ADAMTS12: variants seen among roughly 807,000 people sequenced by gnomAD.
ADAMTS12 encodes the protein ADAM metallopeptidase with thrombospondin type 1 motif 12, also known as A disintegrin and metalloproteinase with thrombospondin motifs 12.
Under a neutral mutation model 167.8 loss-of-function variants are expected in ADAMTS12, and 118 were observed. That is an observed-to-expected ratio of 0.70 (90% confidence interval 0.61 to 0.82). The LOEUF is 0.82. Ranked by LOEUF, ADAMTS12 falls within the 40% of genes least tolerant of loss-of-function variation. The probability of loss-of-function intolerance (pLI) is 0.00; values close to 1 mark genes in which losing one functional copy is unlikely to be tolerated. For missense variants in ADAMTS12, 1,916 were observed against 1,998.8 expected (o/e 0.96, Z 0.79); for synonymous variants, 704 against 716.9 (o/e 0.98, Z 0.29).
chr5:33,744,350 T>A (rs1450898234), intron 3 of ADAMTS12, among the ~76,000 whole-genome samples: 1 of 152,150 alleles, frequency 6.6e-6, no homozygotes, highest in Non-Finnish European at 1.5e-5. Context: ...GTAGCAGTGA[T>A]GAAAAGCAAA....
chr5:33,750,396 G>A (rs891362604), intron 3 of ADAMTS12, among the ~76,000 whole-genome samples: 20 of 152,178 alleles, frequency 1.3e-4, no homozygotes, highest in Non-Finnish European at 2.8e-4. Context: ...CATAGGGACT[G>A]GGTGAAGTCT....
chr5:33,742,365 A>C (rs1324492957), intron 3 of ADAMTS12, among the ~76,000 whole-genome samples: 1 of 149,898 alleles, frequency 6.7e-6, no homozygotes, highest in Non-Finnish European at 1.5e-5. Context: ...GTGATGTGTG[A>C]GACTTCCAGC....
At chr5:33,843,106 G>A (rs1748803921) in intron 2 of ADAMTS12, among the ~76,000 whole-genome samples, 2 of 152,160 alleles carry the variant, frequency 1.3e-5, no homozygotes, top group South Asian at 4.1e-4. Flanking sequence ...CAGTTCTAAA[G>A]CCCTTAAGTA....
intron 2 of ADAMTS12, among the ~76,000 whole-genome samples, chr5:33,876,712 C>T (rs933284726): frequency 2.0e-5 from 3 of 151,962 alleles, no homozygotes; most frequent in Non-Finnish European, 4.4e-5. Context: ...GTGGTGGTAC[C>T]ATGAGAGAAA....
At chr5:33,833,791 C>T (rs1748400869) in intron 2 of ADAMTS12, among the ~76,000 whole-genome samples, 1 of 152,110 alleles carries the variant, frequency 6.6e-6, no homozygotes, top group African/African-American at 2.4e-5. Context: ...AAATTCATGA[C>T]TCGGGAAATG....
chr5:33,827,857 A>G (rs1748150011), intron 2 of ADAMTS12, among the ~76,000 whole-genome samples: 1 of 152,076 alleles, frequency 6.6e-6, no homozygotes, highest in Non-Finnish European at 1.5e-5. Context: ...ACTCAAATAT[A>G]CCTTGTTACC....
rs1739881098 is a variant in ADAMTS12, at chr5:33,630,732, A to G, written c.2022+48T>C. Reference sequence around the variant, plus strand: ...GAACATCTGACTTCCCAAATTAGTAAAAGTCATGATTTTATAAAGTTGTAG... The same window carrying G: ...GAACATCTGACTTCCCAAATTAGTAGAAGTCATGATTTTATAAAGTTGTAG... On this transcript the variant is annotated intron_variant, in intron 13 of 23. Coordinates refer to ENST00000504830, the MANE Select transcript of ADAMTS12 (RefSeq NM_030955.4). 1.9e-6 allele frequency: 3 copies of G among 1,567,928 alleles called. No homozygotes were observed. In the South Asian group the frequency reaches 3.5e-5, roughly 18 times the overall value.
At chr5:33,884,664 C>G (rs1377842930) in intron 1 of ADAMTS12, among the ~76,000 whole-genome samples, 1 of 152,154 alleles carries the variant, frequency 6.6e-6, no homozygotes, top group African/African-American at 2.4e-5. Context: ...CACGTGCATA[C>G]TAGGAGAGTG....
chr5:33,525,574 G>A lies in ADAMTS12; in HGVS notation c.*1614C>T, dbSNP rs1207528481. ...TTCACATACACTTACCCATTTGTATGCCTATCTATGTTTACATTAATTCTG... is the reference window on the plus strand; with the variant it reads ...TTCACATACACTTACCCATTTGTATACCTATCTATGTTTACATTAATTCTG... On this transcript the variant is annotated 3_prime_UTR_variant, in exon 24 of 24. Transcript: ENST00000504830. 6.6e-6 allele frequency: 1 copy of A among 152,166 alleles called. No homozygotes were observed. The highest frequency in any genetic ancestry group is 1.5e-5 in the Non-Finnish European group (1 of 68,020). The allele number at this position is 152,166 out of a possible 1,614,324, so 9.4% of individuals were successfully genotyped here.
At chr5:33,864,532 T>C (rs947595470) in intron 2 of ADAMTS12, among the ~76,000 whole-genome samples, 3 of 152,126 alleles carry the variant, frequency 2.0e-5, no homozygotes, top group Admixed American at 6.5e-5. Context: ...TAAAGACACA[T>C]GCACATGTAT....
chr5:33,802,825 C>T (rs1747062812), intron 2 of ADAMTS12, among the ~76,000 whole-genome samples: 1 of 152,146 alleles, frequency 6.6e-6, no homozygotes. Context: ...TATTATTAGG[C>T]AATTTGCACC....
chr5:33,530,575 T>C (rs1744049634), intron 23 of ADAMTS12, among the ~76,000 whole-genome samples: 1 of 152,168 alleles, frequency 6.6e-6, no homozygotes, highest in Non-Finnish European at 1.5e-5. Context: ...GCTGTGTCTG[T>C]GAGTGCTCTA....
chr5:33,533,075 G>A (rs1049146551), intron 23 of ADAMTS12, among the ~76,000 whole-genome samples: 1 of 152,166 alleles, frequency 6.6e-6, no homozygotes, highest in Non-Finnish European at 1.5e-5. Flanking sequence ...CACATCAATT[G>A]CCAGCCAACT....
chr5:33,641,758 T>A, intron 11 of ADAMTS12, 52 bp downstream of exon 11: 22 of 1,471,778 alleles, frequency 1.5e-5, no homozygotes, highest in Middle Eastern at 1.8e-4. Context: ...CTGCCCCCCA[T>A]CCCGCCCCCA....
At chr5:33,642,581 ATCCACTCTC>A (rs1186499611) in intron 10 of ADAMTS12, among the ~76,000 whole-genome samples, 7 of 152,284 alleles carry the variant, frequency 4.6e-5, no homozygotes, top group African/African-American at 1.7e-4. Flanking sequence ...CTAAGAAAAA[ATCCACTCTC>A]TCCCCTCTTC....
chr5:33,849,319 C>CTA (rs201334194), intron 2 of ADAMTS12, among the ~76,000 whole-genome samples: 3 of 86,990 alleles, frequency 3.4e-5, no homozygotes, highest in African/African-American at 1.4e-4. Flanking sequence ...TATTGCATAG[C>CTA]TATATATATA....
At chr5:33,544,943 G>A (rs1195349281) in intron 22 of ADAMTS12, among the ~76,000 whole-genome samples, 1 of 152,180 alleles carries the variant, frequency 6.6e-6, no homozygotes, top group East Asian at 1.9e-4. Flanking sequence ...TCAGGACATA[G>A]GCATGGGCAA....
chr5:33,727,063 C>T (rs1561237762), intron 3 of ADAMTS12, among the ~76,000 whole-genome samples: 1 of 152,036 alleles, frequency 6.6e-6, no homozygotes. Flanking sequence ...ACAAAGCTTC[C>T]TCTCTCTCTC....
chr5:33,811,903 C>T (rs2112488454), intron 2 of ADAMTS12, among the ~76,000 whole-genome samples: 1 of 152,248 alleles, frequency 6.6e-6, no homozygotes, highest in South Asian at 2.1e-4. Context: ...AAGGCAGAGC[C>T]AGCCAGATTT....
Sources: gnomAD v4.1 joint callset for allele counts (sites outside exome capture counted in the v4.1 genomes callset) on GRCh38, gnomAD v4.1.1 for gene constraint, MANE v1.5 for transcripts, NCBI Gene and HGNC (gene_info 2026-07-23, HGNC 2026-07-21) for gene names.